ARB2A: variants seen among roughly 807,000 people sequenced by gnomAD.
The protein encoded by ARB2A is ARB2 cotranscriptional regulator A.
At chr5:93,898,003 A>T in the ARB2A span, among the ~76,000 whole-genome samples, 1 of 151,846 alleles carries the variant, frequency 6.6e-6, no homozygotes, top group Non-Finnish European at 1.5e-5. Flanking sequence ...GTTAATTTGC[A>T]ACTCCCAGGT....
chr5:93,971,255 C>T, the ARB2A span, among the ~76,000 whole-genome samples: 1 of 152,106 alleles, frequency 6.6e-6, no homozygotes, highest in Admixed American at 6.5e-5. Flanking sequence ...GCCTCGGCCT[C>T]CCAAAAACTT....
the ARB2A span, among the ~76,000 whole-genome samples, chr5:94,038,223 T>G: frequency 6.6e-6 from 1 of 152,082 alleles, no homozygotes; most frequent in Admixed American, 6.6e-5. Flanking sequence ...ATTTCACAAG[T>G]TACATGCTGT....
At chr5:93,914,883 T>C in the ARB2A span, among the ~76,000 whole-genome samples, 1 of 151,942 alleles carries the variant, frequency 6.6e-6, no homozygotes, top group Admixed American at 6.6e-5. Flanking sequence ...GCTGCTTCGA[T>C]AATCAGGGTC....
At chr5:93,923,764 A>ACAC in the ARB2A span, among the ~76,000 whole-genome samples, 1 of 152,162 alleles carries the variant, frequency 6.6e-6, no homozygotes, top group African/African-American at 2.4e-5. Flanking sequence ...GGCTATGATC[A>ACAC]CACCACTGCA....
At chr5:94,059,617 T>TC in the ARB2A span, among the ~76,000 whole-genome samples, 1 of 13,216 alleles carries the variant, frequency 7.6e-5, no homozygotes, top group Non-Finnish European at 2.2e-4. Context: ...TGAGACTGTC[T>TC]CAAAAAAAAA....
the ARB2A span, among the ~76,000 whole-genome samples, chr5:93,728,830 G>A: frequency 5.3e-5 from 8 of 152,154 alleles, no homozygotes; most frequent in East Asian, 1.9e-4. Context: ...ATTAACAAAC[G>A]TACTACAATT....
the ARB2A span, among the ~76,000 whole-genome samples, chr5:94,107,473 C>T: frequency 4.0e-5 from 6 of 149,162 alleles, no homozygotes; most frequent in South Asian, 1.1e-3. Flanking sequence ...AATAGCTCAA[C>T]GTAGCACCCC....
the ARB2A span, among the ~76,000 whole-genome samples, chr5:94,062,328 A>G: frequency 1.3e-5 from 2 of 152,204 alleles, no homozygotes; most frequent in African/African-American, 2.4e-5. Context: ...CCTTATCTAC[A>G]AAGAAGAGCC....
At chr5:93,733,550 A>G in the ARB2A span, 2 of 152,176 alleles carry the variant, frequency 1.3e-5, no homozygotes, top group Non-Finnish European at 2.9e-5. Flanking sequence ...TGATGGGCCA[A>G]TGGAAATGCA....
chr5:93,670,453 A>G, the ARB2A span, among the ~76,000 whole-genome samples: 2 of 152,188 alleles, frequency 1.3e-5, no homozygotes, highest in African/African-American at 4.8e-5. Context: ...TAGTCTGCCT[A>G]GAGTGATTCT....
At chr5:93,830,337 A>G in the ARB2A span, among the ~76,000 whole-genome samples, 125 of 140,728 alleles carry the variant, frequency 8.9e-4, 2 homozygotes, top group Admixed American at 3.3e-3. Flanking sequence ...ATATATATAT[A>G]TATATATATA....
chr5:93,728,271 T>C, the ARB2A span, among the ~76,000 whole-genome samples: 1 of 152,008 alleles, frequency 6.6e-6, no homozygotes, highest in African/African-American at 2.4e-5. Context: ...TTATCTTAAG[T>C]CAATTGTTTG....
chr5:93,836,836 C>T, the ARB2A span, among the ~76,000 whole-genome samples: 3 of 151,972 alleles, frequency 2.0e-5, no homozygotes, highest in African/African-American at 4.8e-5. Context: ...AAATTTTGGA[C>T]CTTGAAAAAT....
At chr5:94,100,526 G>A in the ARB2A span, among the ~76,000 whole-genome samples, 3 of 152,032 alleles carry the variant, frequency 2.0e-5, no homozygotes, top group African/African-American at 4.8e-5. Flanking sequence ...CATGTTACCC[G>A]ACCTCAAACC....
chr5:93,740,934 C>T, the ARB2A span: 2 of 1,614,000 alleles, frequency 1.2e-6, no homozygotes, highest in East Asian at 2.2e-5. Flanking sequence ...GTCTCCACTT[C>T]CCAGACTGTT....
chr5:93,715,635 T>TC, the ARB2A span, among the ~76,000 whole-genome samples: 2 of 149,432 alleles, frequency 1.3e-5, no homozygotes, highest in African/African-American at 4.9e-5. Flanking sequence ...ACTGATCCTT[T>TC]CCCCCGCCTT....
chr5:94,003,454 C>T, the ARB2A span, among the ~76,000 whole-genome samples: 1 of 151,900 alleles, frequency 6.6e-6, no homozygotes, highest in Non-Finnish European at 1.5e-5. Flanking sequence ...CATAGGATAT[C>T]CCAAAGAATC....
the ARB2A span, among the ~76,000 whole-genome samples, chr5:93,636,466 C>A: frequency 6.6e-6 from 1 of 152,152 alleles, no homozygotes. Flanking sequence ...TTATAAAGGT[C>A]ACCCCAGAGA....
the ARB2A span, among the ~76,000 whole-genome samples, chr5:93,622,157 C>G: frequency 6.6e-6 from 1 of 152,068 alleles, no homozygotes; most frequent in African/African-American, 2.4e-5. Flanking sequence ...TTACCAGTGG[C>G]TTCATAAATG....
Sources: gnomAD v4.1 joint callset for allele counts (sites outside exome capture counted in the v4.1 genomes callset) on GRCh38, gnomAD v4.1.1 for gene constraint, MANE v1.5 for transcripts, NCBI Gene and HGNC (gene_info 2026-07-23, HGNC 2026-07-21) for gene names.